The following GAB2 variants were observed in gnomAD, a reference collection of about 807,000 sequenced individuals.
GAB2 encodes GRB2 associated binding protein 2, also known as GRB2-associated-binding protein 2.
Under a neutral mutation model 65.5 loss-of-function variants are expected in GAB2, and 26 were observed. The ratio of observed to expected loss-of-function variants is 0.40; its 90% CI spans 0.29 to 0.55. GAB2 has a LOEUF of 0.55. Among genes scored for constraint, GAB2 ranks in the 20% least tolerant of loss-of-function variants. The pLI, the probability that GAB2 is intolerant of heterozygous loss-of-function variation, is 0.53. For synonymous variants in GAB2, 321 were observed against 329.6 expected, an observed-to-expected ratio of 0.97 and a Z score of 0.28; for missense variants, 884 against 875.8, an observed-to-expected ratio of 1.01 and a Z score of -0.12.
chr11:78,257,784 T>C (rs770953729), intron 2 of GAB2, among the ~76,000 whole-genome samples: 6 of 151,916 alleles, frequency 3.9e-5, no homozygotes, highest in Non-Finnish European at 8.8e-5. Flanking sequence ...GTGCCTCTAG[T>C]CTACCCTGTG....
chr11:78,242,066 G>T (rs2134506634), intron 3 of GAB2, among the ~76,000 whole-genome samples: 1 of 152,304 alleles, frequency 6.6e-6, no homozygotes, highest in African/African-American at 2.4e-5. Context: ...TAAAAGAATT[G>T]ATATCACATC....
chr11:78,237,194 G>A (rs1274081044), intron 3 of GAB2, among the ~76,000 whole-genome samples: 1 of 152,180 alleles, frequency 6.6e-6, no homozygotes, highest in East Asian at 1.9e-4. Context: ...TTGTCCAAGA[G>A]AAATAAAAAC....
At chr11:78,292,268 C>T (rs761792141) in intron 1 of GAB2, among the ~76,000 whole-genome samples, 55 of 152,122 alleles carry the variant, frequency 3.6e-4, no homozygotes, top group African/African-American at 1.1e-3. Context: ...TAAAAGGACA[C>T]GCCTATTCCA....
chr11:78,397,644 T>G (rs1277089573), intron 1 of GAB2, among the ~76,000 whole-genome samples: 1 of 152,226 alleles, frequency 6.6e-6, no homozygotes, highest in African/African-American at 2.4e-5. Flanking sequence ...CTAACCTCAC[T>G]GACCACACTA....
intron 1 of GAB2, among the ~76,000 whole-genome samples, chr11:78,344,206 G>A (rs1565167214): frequency 6.6e-6 from 1 of 152,170 alleles, no homozygotes; most frequent in Admixed American, 6.5e-5. Flanking sequence ...TTCAATGAAG[G>A]CCTTGAAATT....
chr11:78,397,695 A>G (rs530776348), intron 1 of GAB2, among the ~76,000 whole-genome samples: 1 of 152,276 alleles, frequency 6.6e-6, no homozygotes, highest in Admixed American at 6.5e-5. Flanking sequence ...GGTCTTTGTC[A>G]TTTGTGTAGT....
rs7127983 is a variant in GAB2, at chr11:78,254,660, G to A, written c.377-4260C>T. Among the ~76,000 whole-genome samples, 926 of 152,098 alleles carry A rather than the reference G, an allele frequency of 6.1e-3. 4 individuals carry two copies. Among genetic ancestry groups the A allele is most frequent in the African/African-American group, 0.021 (860 of 41,492 alleles). On this transcript the variant is annotated intron_variant, in intron 2 of 9. Coordinates refer to ENST00000361507, the MANE Select transcript of GAB2 (RefSeq NM_080491.3). The stretch of plus-strand genomic sequence containing the variant: ...TCAAAAATTAAAAAATTAACTGGGC[G>A]TGGTGGTGTGTGCCTGTAGGCCTAG...
At chr11:78,415,609 AAAAGCTGTTACTT>A (rs1236624958) in intron 1 of GAB2, among the ~76,000 whole-genome samples, 2 of 152,242 alleles carry the variant, frequency 1.3e-5, no homozygotes, top group Non-Finnish European at 2.9e-5. Flanking sequence ...CTAACCTAAG[AAAAGCTGTTACTT>A]AAAGCTGTTA....
intron 1 of GAB2, among the ~76,000 whole-genome samples, chr11:78,284,266 C>T (rs188748904): frequency 6.6e-6 from 1 of 152,230 alleles, no homozygotes; most frequent in Admixed American, 6.5e-5. Flanking sequence ...CTCACCTGGT[C>T]TAGTCCACCA....
intron 1 of GAB2, among the ~76,000 whole-genome samples, chr11:78,365,271 T>C (rs990412112): frequency 2.0e-5 from 3 of 152,228 alleles, no homozygotes. Context: ...GCTCACCTGA[T>C]TGCCAGTCCA....
intron 1 of GAB2, among the ~76,000 whole-genome samples, chr11:78,363,796 G>A (rs1252205525): frequency 6.6e-6 from 1 of 151,998 alleles, no homozygotes; most frequent in Non-Finnish European, 1.5e-5. Context: ...ACGTTGCCTA[G>A]ACTGGTCTCG....
Position 78,226,611 on chromosome 11 carries a change from C to CGGGGGGGGGGG in GAB2, c.1060_1061insCCCCCCCCCCC (p.Arg354ProfsTer77). ...TTCTGCCTGACTTGGCTTGGGGGGGCGGGGTGGGGGAGCTATGGCTGAGTC... is the reference window on the plus strand; with the variant it reads ...TTCTGCCTGACTTGGCTTGGGGGGGCGGGGGGGGGGGGGGGTGGGGGAGCTATGGCTGAGTC... On this transcript the variant is annotated frameshift_variant, in exon 4 of 10. Coordinates refer to ENST00000361507, the MANE Select transcript of GAB2 (RefSeq NM_080491.3). LOFTEE classifies it high-confidence loss of function. 1 of 282,918 alleles carries CGGGGGGGGGGG rather than the reference C, an allele frequency of 3.5e-6. No homozygotes were observed. The highest frequency in any genetic ancestry group is 6.3e-6 in the Non-Finnish European group (1 of 157,900). The allele number at this position is 282,918 out of a possible 1,614,324, so 17.5% of individuals were successfully genotyped here. A position where few individuals can be genotyped will look rare whatever the true frequency, so the allele number is the denominator to read the frequency against.
rs1855871388 is a variant in GAB2 at position 78,329,022 on chromosome 11, TA to T, written c.76-48122del. 3.9e-5 allele frequency among the ~76,000 whole-genome samples: 6 copies of T among 152,180 alleles called. No individual in the cohort carries two copies. The South Asian group carries it at 1.2e-3, about 32-fold the overall frequency. On this transcript the variant is annotated intron_variant, in intron 1 of 9. Coordinates refer to ENST00000361507, the MANE Select transcript of GAB2 (RefSeq NM_080491.3). ...ATATGCTAATGTCTGCAATTTACTT[TA>T]AATGCTATAAAAAATAAGATGCACA...
intron 1 of GAB2, among the ~76,000 whole-genome samples, chr11:78,331,084 A>AC (rs1330815734): frequency 6.6e-6 from 1 of 151,900 alleles, no homozygotes. Flanking sequence ...CTGAGGCGGG[A>AC]CAATTGCATG....
chr11:78,307,226 T>C (rs1855382121), intron 1 of GAB2, among the ~76,000 whole-genome samples: 1 of 152,088 alleles, frequency 6.6e-6, no homozygotes, highest in African/African-American at 2.4e-5. Context: ...TACAACCTCA[T>C]GTGCACCTAG....
chr11:78,229,142 G>T (rs1453875358), intron 3 of GAB2, among the ~76,000 whole-genome samples: 12 of 152,152 alleles, frequency 7.9e-5, no homozygotes, highest in African/African-American at 2.9e-4. Context: ...AGCCCTTGCT[G>T]GGGGTGGTGG....
At chr11:78,234,607 A>G (rs924467997) in intron 3 of GAB2, among the ~76,000 whole-genome samples, 1 of 148,194 alleles carries the variant, frequency 6.7e-6, no homozygotes, top group Non-Finnish European at 1.5e-5. Context: ...AACTATTTTT[A>G]TTTATATATG....
intron 1 of GAB2, among the ~76,000 whole-genome samples, chr11:78,350,159 T>C (rs1856254391): frequency 6.6e-6 from 1 of 152,180 alleles, no homozygotes; most frequent in African/African-American, 2.4e-5. Context: ...AGACCAGCTG[T>C]AGTCCATCTC....
chr11:78,368,845 G>T (rs1004627525), intron 1 of GAB2, among the ~76,000 whole-genome samples: 1 of 152,074 alleles, frequency 6.6e-6, no homozygotes, highest in Non-Finnish European at 1.5e-5. Flanking sequence ...GGGAGGCTGA[G>T]GTGGGAGAAT....
Sources: gnomAD v4.1 joint callset for allele counts (sites outside exome capture counted in the v4.1 genomes callset) on GRCh38, gnomAD v4.1.1 for gene constraint, MANE v1.5 for transcripts, NCBI Gene and HGNC (gene_info 2026-07-23, HGNC 2026-07-21) for gene names.